Variants in TDG observed in about 807,000 individuals in gnomAD.
TDG encodes thymine DNA glycosylase.
In TDG, 23 loss-of-function variants were observed where a neutral mutation model predicts 46.1. The ratio of observed to expected loss-of-function variants is 0.50; its 90% CI spans 0.36 to 0.71. The LOEUF (loss-of-function observed/expected upper bound fraction) is 0.71, where lower values mean the gene tolerates loss of function less well. TDG is among the 30% of genes least tolerant of loss of function. The pLI, the probability that TDG is intolerant of heterozygous loss-of-function variation, is 0.00. For synonymous variants in TDG, 115 were observed against 161.3 expected (o/e 0.71, Z 2.18); for missense variants, 304 against 486.7 (o/e 0.62, Z 3.53).
At chr12:103,985,751 A>T in intron 9 of TDG, 23 bp downstream of exon 9, 1 of 1,541,764 alleles carries the variant, frequency 6.5e-7, no homozygotes, top group Non-Finnish European at 8.7e-7. Flanking sequence ...CCACATGTGT[A>T]TTCCTTTCAA....
intron 1 of TDG, among the ~76,000 whole-genome samples, chr12:103,968,140 T>C (rs1871138576): frequency 6.6e-6 from 1 of 152,120 alleles, no homozygotes. Context: ...TTTATTTCAA[T>C]GGCAAAATAG....
intron 1 of TDG, among the ~76,000 whole-genome samples, chr12:103,974,043 T>C (rs1422569970): frequency 6.6e-6 from 1 of 152,184 alleles, no homozygotes; most frequent in Non-Finnish European, 1.5e-5. Context: ...GAAGTGGAAA[T>C]GCCTCTCCAG....
At chr12:103,986,843 C>T in intron 9 of TDG, 105 bp from the exon 10 acceptor site, 1 of 1,247,272 alleles carries the variant, frequency 8.0e-7, no homozygotes, top group African/African-American at 1.5e-5. Context: ...TGTGATCATG[C>T]CACTGCATTC....
rs193239855 is a variant in TDG at position 103,986,748 on chromosome 12, G to A, written c.1091-200G>A. ...AAAAAAACTTCAAATAAGCTGATAC[G>A]GTGGCTCACACCTGTAATCCCAGTG... On this transcript the variant is annotated intron_variant, in intron 9 of 9. Transcript: ENST00000392872. The A allele has an allele frequency of 1.9e-4, 96 of 495,738 alleles. 1 individual carries two copies. The highest frequency in any genetic ancestry group is 1.2e-3 in the African/African-American group (63 of 52,424). The allele number at this position is 495,738 out of a possible 1,614,324, so 30.7% of individuals were successfully genotyped here. A position where few individuals can be genotyped will look rare whatever the true frequency, so the allele number is the denominator to read the frequency against.
chr12:103,968,535 C>T (rs937567565), intron 1 of TDG, among the ~76,000 whole-genome samples: 1 of 152,162 alleles, frequency 6.6e-6, no homozygotes, highest in Non-Finnish European at 1.5e-5. Flanking sequence ...CCTATGTTAG[C>T]AAAATGATTG....
intron 1 of TDG, among the ~76,000 whole-genome samples, chr12:103,974,389 G>C (rs1302999076): frequency 5.9e-5 from 9 of 152,008 alleles, no homozygotes; most frequent in Admixed American, 5.9e-4. Context: ...CAATCCTCCT[G>C]CCTCACCCTC....
intron 1 of TDG, among the ~76,000 whole-genome samples, chr12:103,972,751 A>T (rs919862702): frequency 2.0e-5 from 3 of 152,250 alleles, no homozygotes; most frequent in Admixed American, 2.0e-4. Flanking sequence ...TATACCTAAT[A>T]TAAAAGTTCA....
chr12:103,977,862 A>C (rs1222744073), intron 2 of TDG, among the ~76,000 whole-genome samples: 2 of 152,058 alleles, frequency 1.3e-5, no homozygotes, highest in Non-Finnish European at 2.9e-5. Context: ...TCAGGAGTTC[A>C]TGACCAGCCT....
chr12:103,966,224 G>C (rs1189735378), intron 1 of TDG, among the ~76,000 whole-genome samples, 164 bp downstream of exon 1: 1 of 152,082 alleles, frequency 6.6e-6, no homozygotes, highest in African/African-American at 2.4e-5. Context: ...TTCCCTGGCT[G>C]CGGCGGTGGT....
chr12:103,966,174 C>G (rs964122650), intron 1 of TDG, 114 bp downstream of exon 1: 2 of 1,320,992 alleles, frequency 1.5e-6, no homozygotes, highest in African/African-American at 3.1e-5. Flanking sequence ...ATACAAAGGC[C>G]GGGGCCGCGC....
intron 1 of TDG, among the ~76,000 whole-genome samples, chr12:103,968,529 T>C (rs1871161521): frequency 2.6e-5 from 4 of 152,204 alleles, no homozygotes; most frequent in African/African-American, 9.6e-5. Context: ...ACATCTCCTA[T>C]GTTAGCAAAA....
intron 1 of TDG, among the ~76,000 whole-genome samples, chr12:103,975,447 G>T (rs541720873): frequency 3.9e-5 from 6 of 152,242 alleles, no homozygotes; most frequent in African/African-American, 1.4e-4. Context: ...TACTTCTGGA[G>T]CCTGGGAAGT....
At chr12:103,976,894 T>G (rs780759027) in intron 1 of TDG, 24 bp from the exon 2 acceptor site, 4 of 1,611,640 alleles carry the variant, frequency 2.5e-6, no homozygotes, top group Non-Finnish European at 3.4e-6. Context: ...TATCATTACA[T>G]CTCATGCTTC....
At position 103,986,929 on chromosome 12, in the gene TDG, T is replaced by C. The variant is rs1872183090; in HGVS notation, c.1091-19T>C. ...ATTTCTAAATGGCATAAACTAACTT[T>C]GTTTTTCTTTTCTGGCAGTTGAGAG... On this transcript the variant is annotated intron_variant, in intron 9 of 9. Coordinates refer to ENST00000392872, the MANE Select transcript of TDG (RefSeq NM_003211.6). 1.2e-6 allele frequency: 2 copies of C among 1,612,270 alleles called. No homozygotes were observed. Among genetic ancestry groups the C allele is most frequent in the South Asian group, 2.2e-5 (2 of 91,050 alleles).
chr12:103,979,803 GC>G (rs747569888), intron 2 of TDG, 27 bp from the exon 3 acceptor site: 2 of 1,537,696 alleles, frequency 1.3e-6, no homozygotes, highest in East Asian at 2.3e-5. Context: ...AAGATTTTCT[GC>G]ATTTCTGGAA....
chr12:103,980,170 A>G, intron 3 of TDG, 98 bp downstream of exon 3: 2 of 1,520,698 alleles, frequency 1.3e-6, no homozygotes, highest in Non-Finnish European at 1.8e-6. Context: ...GAAAAGGACC[A>G]TTTCTAAGAA....
rs1566179985 is a variant in TDG, at chr12:103,976,408, C to CACACACACACA, written c.24-510_24-509insACACACACACA. Among the ~76,000 whole-genome samples, 1,185 of 147,516 alleles carry CACACACACACA rather than the reference C, an allele frequency of 8.0e-3. 14 individuals carry two copies. Among genetic ancestry groups the CACACACACACA allele is most frequent in the African/African-American group, 0.028 (1,114 of 40,242 alleles). ...GGTGACAGAGGGAGACCCTGTCTCC[C>CACACACACACA]CACACACACACACACACACACACAC... On this transcript the variant is annotated intron_variant, in intron 1 of 9. Coordinates refer to ENST00000392872, the MANE Select transcript of TDG (RefSeq NM_003211.6).
At position 103,986,995 on chromosome 12, in the gene TDG, A is replaced by C. The variant is rs1405998709; in HGVS notation, c.1138A>C (p.Asn380His). 34 of 1,614,276 alleles carry C rather than the reference A, an allele frequency of 2.1e-5. No individual in the cohort carries two copies. The highest frequency in any genetic ancestry group is 2.9e-5 in the Non-Finnish European group (34 of 1,180,040). ...RGESAFSGIP[N>H]GQWMTQSFTD... ...AGAATCAGCTTTCAGTGGCATTCCT[A>C]ATGGGCAGTGGATGACCCAGTCATT... The change falls in exon 10 of 10, where the codon AAT becomes CAT. Residue 380 changes from asparagine to histidine, a missense_variant. By Grantham distance (68) the Asn-to-His change is moderately conservative. Transcript: ENST00000392872.
chr12:103,967,648 G>A (rs985029506), intron 1 of TDG, among the ~76,000 whole-genome samples: 10 of 151,688 alleles, frequency 6.6e-5, no homozygotes, highest in Admixed American at 4.6e-4. Flanking sequence ...GTAGAGACAG[G>A]GTTTCACCAT....
Sources: allele counts gnomAD v4.1 joint callset (sites outside exome capture counted in the v4.1 genomes callset), GRCh38; gene constraint gnomAD v4.1.1; transcripts MANE v1.5; gene names NCBI Gene and HGNC (gene_info 2026-07-23, HGNC 2026-07-21).